Variants in CAMK2G observed in about 807,000 individuals in gnomAD.
CAMK2G encodes calcium/calmodulin dependent protein kinase II gamma, also known as calcium/calmodulin-dependent protein kinase type II subunit gamma.
In CAMK2G, 23 loss-of-function variants were observed where a neutral mutation model predicts 88.7. The ratio of observed to expected loss-of-function variants is 0.26; its 90% CI spans 0.19 to 0.37. The LOEUF is 0.37. CAMK2G is among the 10% of genes least tolerant of loss of function. The pLI is 1.00. For synonymous variants in CAMK2G, 263 were observed against 294.8 expected, an observed-to-expected ratio of 0.89 and a Z score of 1.11; for missense variants, 476 against 780.8, an observed-to-expected ratio of 0.61 and a Z score of 4.65.
intron 5 of CAMK2G, among the ~76,000 whole-genome samples, chr10:73,850,427 C>A (rs1234207898): frequency 3.3e-5 from 5 of 152,222 alleles, no homozygotes; most frequent in Non-Finnish European, 7.3e-5. Flanking sequence ...CGCCCGCCCC[C>A]CCCCACCGCA....
chr10:73,858,619 A>C (rs1361997894), intron 3 of CAMK2G, among the ~76,000 whole-genome samples: 1 of 152,132 alleles, frequency 6.6e-6, no homozygotes, highest in Non-Finnish European at 1.5e-5. Context: ...ATGGAAGCAC[A>C]GTTCTAGGAA....
chr10:73,831,698 A>G (rs754011723), intron 14 of CAMK2G, among the ~76,000 whole-genome samples: 20 of 151,192 alleles, frequency 1.3e-4, no homozygotes, highest in Non-Finnish European at 2.5e-4. Flanking sequence ...CGTCTCTACT[A>G]AAAATACAAA....
intron 14 of CAMK2G, among the ~76,000 whole-genome samples, chr10:73,835,707 A>G (rs1227816528): frequency 6.6e-6 from 1 of 152,214 alleles, no homozygotes; most frequent in Middle Eastern, 3.4e-3. Flanking sequence ...TGATCCAACC[A>G]TATTTTTGAC....
At chr10:73,824,196 G>A in intron 16 of CAMK2G, 112 bp from the exon 17 acceptor site, 1 of 744,544 alleles carries the variant, frequency 1.3e-6, no homozygotes, top group Non-Finnish European at 2.4e-6. Context: ...TGACCACTGA[G>A]GCCTGCCCAC....
intron 18 of CAMK2G, among the ~76,000 whole-genome samples, chr10:73,820,444 G>A (rs1472553814): frequency 4.0e-4 from 54 of 134,600 alleles, no homozygotes; most frequent in Non-Finnish European, 4.9e-4. Context: ...AGTGTTCCCA[G>A]GACTATCTGG....
intron 2 of CAMK2G, among the ~76,000 whole-genome samples, chr10:73,864,585 T>C (rs1009216805): frequency 2.0e-5 from 3 of 152,136 alleles, no homozygotes; most frequent in Non-Finnish European, 4.4e-5. Flanking sequence ...CCAAAGTAGG[T>C]GAGACAGTGA....
intron 2 of CAMK2G, among the ~76,000 whole-genome samples, chr10:73,869,896 T>C (rs1565536473): frequency 6.6e-6 from 1 of 152,240 alleles, no homozygotes; most frequent in Non-Finnish European, 1.5e-5. Context: ...AGATAAATGG[T>C]ACATATACAG....
chr10:73,865,117 T>C (rs2095538233), intron 2 of CAMK2G, among the ~76,000 whole-genome samples: 1 of 152,202 alleles, frequency 6.6e-6, no homozygotes, highest in Admixed American at 6.5e-5. Context: ...CCAGAGACAC[T>C]GTGAATGGGA....
intron 2 of CAMK2G, among the ~76,000 whole-genome samples, chr10:73,863,821 G>A (rs909663137): frequency 6.6e-6 from 1 of 152,214 alleles, no homozygotes; most frequent in African/African-American, 2.4e-5. Flanking sequence ...GTCCTTGTTA[G>A]CCTCTTAGTT....
At chr10:73,873,364 G>A in intron 1 of CAMK2G, 3 of 1,309,578 alleles carry the variant, frequency 2.3e-6, no homozygotes, top group Admixed American at 6.5e-5. Context: ...CATCAGGAGC[G>A]GGTGGGCGAT....
At chr10:73,860,987 A>G in intron 2 of CAMK2G, 98 bp from the exon 3 acceptor site, 2 of 818,388 alleles carry the variant, frequency 2.4e-6, no homozygotes, top group South Asian at 2.8e-5. Flanking sequence ...CTAACTATGC[A>G]TTTGTGATGA....
At chr10:73,838,971 T>C (rs2093511970) in intron 13 of CAMK2G, among the ~76,000 whole-genome samples, 1 of 152,156 alleles carries the variant, frequency 6.6e-6, no homozygotes, top group South Asian at 2.1e-4. Context: ...CCATGTTATT[T>C]ATCATCCCCA....
chr10:73,815,841 G>T (rs2085275892), intron 21 of CAMK2G: 1 of 985,440 alleles, frequency 1.0e-6, no homozygotes, highest in African/African-American at 1.7e-5. Flanking sequence ...AAAGGCAAAA[G>T]AAGTTGGATT....
rs758928048 is a variant in CAMK2G at position 73,842,209 on chromosome 10, A to T, written c.906T>A (p.Gly302=). The T allele has an allele frequency of 1.2e-5, 19 of 1,611,740 alleles. No homozygotes were observed. The African/African-American group carries it at 2.4e-4, about 20-fold the overall frequency. ...RKFNARRKLK[G]AILTTMLVSR... ...AGACAAGCATGGTCGTGAGGATGGC[A>T]CCCTGGGGAAAGAGGAAGGTCCTGT... Residue 302 remains glycine (G), a splice_region_variant and synonymous_variant, in exon 12 of 23, where the codon GGT becomes GGA. Coordinates refer to ENST00000423381, the MANE Select transcript of CAMK2G (RefSeq NM_001367534.1). This position sits in a 1 kb window ranked among gnomAD's most constrained non-coding sequence, Gnocchi z 4.6.
At chr10:73,831,003 A>G (rs970334538) in intron 14 of CAMK2G, among the ~76,000 whole-genome samples, 1 of 152,220 alleles carries the variant, frequency 6.6e-6, no homozygotes, top group Non-Finnish European at 1.5e-5. Flanking sequence ...GCTACTTCAC[A>G]GGCCTCCCTC....
In CAMK2G at chr10:73,819,563, C is replaced by T. The variant is rs1251618303; in HGVS notation, c.1332G>A (p.Met444Ile). ...SRDRTAPSAG[M>I]QPQPSLCSSA... Reference sequence around the variant, plus strand: ...AGGAGCAGAGAGAAGGCTGGGGCTGCATGCCTGCAGAGGGGGCTGTTCTGT... The same window carrying T: ...AGGAGCAGAGAGAAGGCTGGGGCTGTATGCCTGCAGAGGGGGCTGTTCTGT... The change falls in exon 19 of 23, where the codon ATG (methionine) becomes ATA (isoleucine). Residue 444 changes from methionine (M) to isoleucine (I), a missense_variant. Met to Ile is a conservative substitution (Grantham distance 10). This residue lies in a region of CAMK2G where 278 missense variants were observed against 366.5 expected (regional missense o/e 0.76). Coordinates refer to ENST00000423381, the MANE Select transcript of CAMK2G (RefSeq NM_001367534.1). 6.5e-7 allele frequency: 1 copy of T among 1,549,562 alleles called. No homozygotes were observed. The highest frequency in any genetic ancestry group is 8.7e-7 in the Non-Finnish European group (1 of 1,146,782).
chr10:73,855,248 C>T (rs534537012), intron 3 of CAMK2G, among the ~76,000 whole-genome samples: 4 of 152,324 alleles, frequency 2.6e-5, no homozygotes, highest in African/African-American at 7.2e-5. Flanking sequence ...AGTCTTGCTG[C>T]AGCTGCTGCT....
At chr10:73,851,483 C>T (rs1020527707) in intron 5 of CAMK2G, among the ~76,000 whole-genome samples, 6 of 152,016 alleles carry the variant, frequency 3.9e-5, no homozygotes, top group Admixed American at 1.3e-4. Flanking sequence ...TGAAAGCTCC[C>T]GGGGCTCTAT....
chr10:73,835,613 A>G (rs756807940), intron 14 of CAMK2G, among the ~76,000 whole-genome samples: 23 of 150,410 alleles, frequency 1.5e-4, no homozygotes, highest in Non-Finnish European at 2.7e-4. Context: ...TTCTATCAGC[A>G]CTCTCACCAT....
Sources: gnomAD v4.1 joint callset for allele counts (sites outside exome capture counted in the v4.1 genomes callset) on GRCh38, gnomAD v4.1.1 for gene constraint, gnomAD v4.1.1 regional missense constraint, Gnocchi (gnomAD v3.1) non-coding constraint, MANE v1.5 for transcripts, NCBI Gene and HGNC (gene_info 2026-07-23, HGNC 2026-07-21) for gene names.